The following ELOVL5 variants were observed in gnomAD, a reference collection of about 807,000 sequenced individuals.
ELOVL5 encodes the protein very long chain fatty acid elongase 5.
Under a neutral mutation model 38.6 loss-of-function variants are expected in ELOVL5, and 8 were observed. The ratio of observed to expected loss-of-function variants is 0.21; its 90% CI spans 0.12 to 0.37. The LOEUF (loss-of-function observed/expected upper bound fraction) is 0.37, where lower values mean the gene tolerates loss of function less well. Ranked by LOEUF, ELOVL5 falls within the 10% of genes least tolerant of loss-of-function variation. ELOVL5 has a pLI of 1.00. For synonymous variants in ELOVL5, 127 were observed against 133.7 expected, an observed-to-expected ratio of 0.95 and a Z score of 0.34; for missense variants, 280 against 367.8, an observed-to-expected ratio of 0.76 and a Z score of 1.95.
intron 1 of ELOVL5, among the ~76,000 whole-genome samples, chr6:53,307,834 T>C (rs551074657): frequency 6.6e-6 from 1 of 152,300 alleles, no homozygotes; most frequent in East Asian, 1.9e-4. Context: ...TTTGTACTCC[T>C]GGCAACTAGC....
chr6:53,348,716 T>A (rs1198967667), intron 1 of ELOVL5, 101 bp downstream of exon 1: 1 of 428,282 alleles, frequency 2.3e-6, no homozygotes, highest in Non-Finnish European at 4.6e-6. Flanking sequence ...GTCCGAGACC[T>A]AACGGCAGTT....
chr6:53,303,085 A>T (rs181490233), intron 1 of ELOVL5, among the ~76,000 whole-genome samples: 1 of 152,328 alleles, frequency 6.6e-6, no homozygotes, highest in East Asian at 1.9e-4. Flanking sequence ...CCAGTTACAC[A>T]GAATGAAAAA....
intron 1 of ELOVL5, among the ~76,000 whole-genome samples, chr6:53,301,221 G>A (rs1439898147): frequency 1.3e-5 from 2 of 152,078 alleles, no homozygotes; most frequent in Non-Finnish European, 2.9e-5. Context: ...TCACTGGTGC[G>A]GTTTCCTATC....
chr6:53,343,119 T>G (rs896131087), intron 1 of ELOVL5, among the ~76,000 whole-genome samples: 2 of 152,224 alleles, frequency 1.3e-5, no homozygotes, highest in Non-Finnish European at 2.9e-5. Flanking sequence ...AGTGATGTTT[T>G]AATCTCATAA....
intron 3 of ELOVL5, among the ~76,000 whole-genome samples, chr6:53,283,365 C>T (rs1766435401): frequency 6.6e-6 from 1 of 152,212 alleles, no homozygotes; most frequent in Admixed American, 6.5e-5. Flanking sequence ...TTACACAGAA[C>T]ACTAGGCAAA....
rs548154691 is a variant in ELOVL5, at chr6:53,328,596, T to G, written c.-9+20221A>C. 3.3e-4 allele frequency among the ~76,000 whole-genome samples: 50 copies of G among 152,282 alleles called. 1 individual carries two copies. The highest frequency in any genetic ancestry group is 1.1e-3 in the African/African-American group (44 of 41,558). On this transcript the variant is annotated intron_variant, in intron 1 of 7. Coordinates refer to ENST00000304434, the MANE Select transcript of ELOVL5 (RefSeq NM_021814.5). ...GGGACATGATGCAGCAATTTTTTAT[T>G]AAAACAAAGGCATTATCCAAAATCA... is the stretch of plus-strand genomic sequence containing the variant.
chr6:53,273,401 G>A lies in ELOVL5; in HGVS notation c.497-57C>T, dbSNP rs570377859. Reference sequence around the variant, plus strand: ...TGTATTAGTGTTTTAAACAGAACAGGTGGTAAAAAAAAAAAAAATACAAGA... The same window carrying A: ...TGTATTAGTGTTTTAAACAGAACAGATGGTAAAAAAAAAAAAAATACAAGA... On this transcript the variant is annotated intron_variant, in intron 5 of 7. Coordinates refer to ENST00000304434, the MANE Select transcript of ELOVL5 (RefSeq NM_021814.5). The A allele has an allele frequency of 8.0e-5, 118 of 1,481,938 alleles. No individual in the cohort carries two copies. The South Asian group carries it at 1.2e-3, about 15-fold the overall frequency. The allele number at this position is 1,481,938 out of a possible 1,614,324, so 91.8% of individuals were successfully genotyped here.
chr6:53,300,744 G>T (rs182455064), intron 1 of ELOVL5, among the ~76,000 whole-genome samples: 154 of 152,258 alleles, frequency 1.0e-3, no homozygotes, highest in African/African-American at 3.5e-3. Context: ...ACTCCGTCTG[G>T]TGCCCAGGCC....
chr6:53,319,359 A>G (rs961399243), intron 1 of ELOVL5, among the ~76,000 whole-genome samples: 1 of 151,500 alleles, frequency 6.6e-6, no homozygotes, highest in Non-Finnish European at 1.5e-5. Context: ...TTTAGAGCTC[A>G]TAAGATTTGC....
chr6:53,282,635 A>G (rs1263081649), intron 3 of ELOVL5, among the ~76,000 whole-genome samples: 1 of 152,230 alleles, frequency 6.6e-6, no homozygotes, highest in African/African-American at 2.4e-5. Context: ...TAAGAGTGAA[A>G]AGTATTCTAG....
At chr6:53,308,867 G>C (rs963026666) in intron 1 of ELOVL5, among the ~76,000 whole-genome samples, 7 of 130,208 alleles carry the variant, frequency 5.4e-5, no homozygotes, top group South Asian at 2.9e-4. Flanking sequence ...CCACCAGCTG[G>C]GGGGAGGGGA....
At chr6:53,283,583 A>C (rs1459661770) in intron 3 of ELOVL5, among the ~76,000 whole-genome samples, 1 of 152,234 alleles carries the variant, frequency 6.6e-6, no homozygotes, top group Non-Finnish European at 1.5e-5. Flanking sequence ...AAAAAAGAGC[A>C]AGCAGTGAAC....
chr6:53,336,504 A>C (rs1769074798), intron 1 of ELOVL5, among the ~76,000 whole-genome samples: 1 of 152,174 alleles, frequency 6.6e-6, no homozygotes, highest in Non-Finnish European at 1.5e-5. Flanking sequence ...TACCAAAAAT[A>C]TAAAAAATTA....
At chr6:53,319,010 G>A (rs952563230) in intron 1 of ELOVL5, among the ~76,000 whole-genome samples, 3 of 151,938 alleles carry the variant, frequency 2.0e-5, no homozygotes, top group Non-Finnish European at 2.9e-5. Context: ...CAGGCCGGGT[G>A]CAGTGGCTCA....
intron 1 of ELOVL5, among the ~76,000 whole-genome samples, chr6:53,345,960 GGTAT>G (rs1769525388): frequency 6.6e-6 from 1 of 152,104 alleles, no homozygotes; most frequent in Admixed American, 6.5e-5. Flanking sequence ...TTGTTACATA[GGTAT>G]ACATGTGCCA....
At chr6:53,342,538 A>G (rs542310529) in intron 1 of ELOVL5, among the ~76,000 whole-genome samples, 1 of 152,326 alleles carries the variant, frequency 6.6e-6, no homozygotes, top group East Asian at 1.9e-4. Flanking sequence ...TGACATGAGG[A>G]AAAGGATGGG....
intron 4 of ELOVL5, among the ~76,000 whole-genome samples, chr6:53,275,633 C>T (rs1766082534): frequency 6.6e-6 from 1 of 152,168 alleles, no homozygotes; most frequent in African/African-American, 2.4e-5. Flanking sequence ...CTGAAAAACG[C>T]TATTGATTTC....
At chr6:53,287,755 T>A in intron 3 of ELOVL5, 1 of 928,062 alleles carries the variant, frequency 1.1e-6, no homozygotes. Context: ...GCATAACAGA[T>A]CGGCTAAGAA....
chr6:53,313,502 C>T (rs1767921862), intron 1 of ELOVL5, among the ~76,000 whole-genome samples: 1 of 151,926 alleles, frequency 6.6e-6, no homozygotes, highest in African/African-American at 2.4e-5. Flanking sequence ...CTTGGGACTA[C>T]AGGCATGTGC....
Sources: allele counts gnomAD v4.1 joint callset (sites outside exome capture counted in the v4.1 genomes callset), GRCh38; gene constraint gnomAD v4.1.1; transcripts MANE v1.5; gene names NCBI Gene and HGNC (gene_info 2026-07-23, HGNC 2026-07-21).